GSAP: variants seen among roughly 807,000 people sequenced by gnomAD.
The protein encoded by GSAP is gamma-secretase-activating protein.
A neutral mutation model predicts 131.7 loss-of-function variants in GSAP; 118 were observed. The observed-to-expected ratio is 0.90, with a 90% CI of 0.77 to 1.04. The LOEUF is 1.04. Among genes scored for constraint, GSAP ranks in the 50% least tolerant of loss-of-function variants. The pLI, the probability that GSAP is intolerant of heterozygous loss-of-function variation, is 0.00. For missense variants in GSAP, 1,019 were observed against 1,013.2 expected (o/e 1.01, Z -0.08); for synonymous variants, 381 against 363.4 (o/e 1.05, Z -0.55).
intron 16 of GSAP, 171 bp from the exon 17 acceptor site, chr7:77,353,812 G>T: frequency 2.1e-6 from 1 of 483,344 alleles, no homozygotes; most frequent in East Asian, 3.3e-5. Context: ...ATTCTGGGTA[G>T]GTAAAACGGT....
chr7:77,340,863 A>AC (rs1790810991), intron 19 of GSAP, among the ~76,000 whole-genome samples: 1 of 149,470 alleles, frequency 6.7e-6, no homozygotes, highest in African/African-American at 2.5e-5. Flanking sequence ...CACTACCCCC[A>AC]CCCCTTCTCC....
chr7:77,357,737 TGGAG>T (rs149813371), intron 14 of GSAP, among the ~76,000 whole-genome samples: 4,725 of 152,266 alleles, frequency 0.031, 235 homozygotes, highest in African/African-American at 0.1. Context: ...CTCTAGAGGC[TGGAG>T]GGAGGACGCA....
intron 22 of GSAP, among the ~76,000 whole-genome samples, chr7:77,327,766 C>G (rs1788528897): frequency 6.6e-6 from 1 of 152,108 alleles, no homozygotes. Flanking sequence ...CTTTGTTTAT[C>G]AAGACTTAAC....
intron 5 of GSAP, among the ~76,000 whole-genome samples, chr7:77,395,659 A>G (rs1800253990): frequency 6.6e-6 from 1 of 152,134 alleles, no homozygotes; most frequent in Non-Finnish European, 1.5e-5. Context: ...AATCTCCCAT[A>G]AACAACTTTA....
Position 77,362,641 on chromosome 7 carries a change from G to A in GSAP, c.891C>T (p.Tyr297=), listed in dbSNP as rs147832996. 1,204 of 1,572,372 alleles carry A rather than the reference G, an allele frequency of 7.7e-4. 1 individual carries two copies. Among genetic ancestry groups the A allele is most frequent in the South Asian group, 1.0e-3 (92 of 90,028 alleles). Reference sequence around the variant, plus strand: ...GTCCCCAAGAGGCACACTTCGGGCTGTAACATACACACAAACTTCCTAGAA... The same window carrying A: ...GTCCCCAAGAGGCACACTTCGGGCTATAACATACACACAAACTTCCTAGAA... ...TNHTGSLCVC[Y]SPKCASWGQI... Residue 297 remains tyrosine (Y), a synonymous_variant, in exon 13 of 31, where the codon TAC becomes TAT. Transcript: ENST00000257626.
intron 8 of GSAP, among the ~76,000 whole-genome samples, chr7:77,380,812 T>G (rs1014723503): frequency 2.6e-5 from 4 of 152,194 alleles, no homozygotes; most frequent in Non-Finnish European, 5.9e-5. Context: ...TATAAATATA[T>G]GGTATGATCC....
chr7:77,374,680 A>G (rs1796595626), intron 11 of GSAP, among the ~76,000 whole-genome samples: 1 of 152,020 alleles, frequency 6.6e-6, no homozygotes, highest in African/African-American at 2.4e-5. Flanking sequence ...CAGCTGAGCT[A>G]CAAGTGGATT....
intron 1 of GSAP, among the ~76,000 whole-genome samples, chr7:77,409,718 C>T (rs1410602260): frequency 2.0e-5 from 3 of 152,076 alleles, no homozygotes; most frequent in Non-Finnish European, 4.4e-5. Context: ...GAGATCGTCG[C>T]AAAAGTACAG....
At chr7:77,335,505 T>C (rs1379198426) in intron 19 of GSAP, among the ~76,000 whole-genome samples, 1 of 152,156 alleles carries the variant, frequency 6.6e-6, no homozygotes, top group Non-Finnish European at 1.5e-5. Context: ...GGGAGTTTTT[T>C]CTCTTAGGAT....
chr7:77,365,369 G>C (rs1257259330), intron 12 of GSAP, among the ~76,000 whole-genome samples: 1 of 151,892 alleles, frequency 6.6e-6, no homozygotes, highest in African/African-American at 2.4e-5. Flanking sequence ...TACTTTTTCT[G>C]CTCCGCTCCC....
intron 1 of GSAP, among the ~76,000 whole-genome samples, chr7:77,407,591 T>C (rs982822682): frequency 2.6e-5 from 4 of 152,222 alleles, no homozygotes; most frequent in African/African-American, 9.6e-5. Flanking sequence ...CTTTTATTAG[T>C]TATACTAAAA....
chr7:77,326,158 C>G, intron 23 of GSAP, 54 bp downstream of exon 23: 9 of 1,127,810 alleles, frequency 8.0e-6, no homozygotes, highest in Admixed American at 2.1e-5. Context: ...ATCCTTTCCC[C>G]TTGTCTTAGG....
rs532544555 is a variant in GSAP, at chr7:77,310,978, C to G, written c.*380G>C. 3.7e-5 allele frequency: 6 copies of G among 162,792 alleles called. 1 individual carries two copies. The South Asian group carries it at 1.1e-3, about 29-fold the overall frequency. The allele number at this position is 162,792 out of a possible 1,614,324, so 10.1% of individuals were successfully genotyped here. A position where few individuals can be genotyped will look rare whatever the true frequency, so the allele number is the denominator to read the frequency against. ...CTTATGTAACATTTAATTTTTATGC[C>G]TATTATTTCAATGACACACCTAGTT... On this transcript the variant is annotated 3_prime_UTR_variant, in exon 31 of 31. Coordinates refer to ENST00000257626, the MANE Select transcript of GSAP (RefSeq NM_017439.4).
chr7:77,355,001 G>A (rs529046025), intron 16 of GSAP, among the ~76,000 whole-genome samples: 2 of 152,268 alleles, frequency 1.3e-5, no homozygotes, highest in South Asian at 2.1e-4. Context: ...ATATGGAAAA[G>A]GGGGTACCCA....
chr7:77,415,880 G>C (rs938861155), intron 1 of GSAP: 1 of 257,576 alleles, frequency 3.9e-6, no homozygotes. Flanking sequence ...CCGCTGAGCT[G>C]AGCACGACCC....
At chr7:77,401,589 T>C (rs1248653244) in intron 3 of GSAP, among the ~76,000 whole-genome samples, 2 of 151,812 alleles carry the variant, frequency 1.3e-5, no homozygotes, top group African/African-American at 4.8e-5. Flanking sequence ...CTAAAAAAAA[T>C]GGTTAAAAAA....
chr7:77,392,998 A>T (rs375626217), intron 5 of GSAP, among the ~76,000 whole-genome samples: 2 of 152,290 alleles, frequency 1.3e-5, no homozygotes, highest in East Asian at 3.9e-4. Context: ...TTTCCTATGG[A>T]AGTCCATTTT....
chr7:77,311,678 T>G (rs1348583003), intron 30 of GSAP, 163 bp downstream of exon 30: 1 of 590,694 alleles, frequency 1.7e-6, no homozygotes, highest in African/African-American at 1.9e-5. Context: ...ATTTGGTAAT[T>G]TACTCTAGGT....
chr7:77,376,794 AAGAG>A (rs1269499005), intron 10 of GSAP, 50 bp downstream of exon 10: 1 of 684,350 alleles, frequency 1.5e-6, no homozygotes, highest in Non-Finnish European at 2.3e-6. Context: ...AAAAAAAAAA[AAGAG>A]AGTAATGTAT....
Sources: allele counts gnomAD v4.1 joint callset (sites outside exome capture counted in the v4.1 genomes callset), GRCh38; gene constraint gnomAD v4.1.1; transcripts MANE v1.5; gene names NCBI Gene and HGNC (gene_info 2026-07-23, HGNC 2026-07-21).